Variants in SYN3 observed in about 807,000 individuals in gnomAD.
SYN3 encodes synapsin-3.
Under a neutral mutation model 65.8 loss-of-function variants are expected in SYN3, and 35 were observed. The ratio of observed to expected loss-of-function variants is 0.53; its 90% CI spans 0.41 to 0.70. SYN3 has a LOEUF of 0.70. Ranked by LOEUF, SYN3 falls within the 30% of genes least tolerant of loss-of-function variation. SYN3 has a pLI of 0.00. For missense variants in SYN3, 680 were observed against 749.0 expected, an observed-to-expected ratio of 0.91 and a Z score of 1.08; for synonymous variants, 270 against 292.9, an observed-to-expected ratio of 0.92 and a Z score of 0.80.
At chr22:32,648,706 T>C (rs1041963146) in intron 6 of SYN3, among the ~76,000 whole-genome samples, 3 of 152,212 alleles carry the variant, frequency 2.0e-5, no homozygotes, top group African/African-American at 4.8e-5. Flanking sequence ...AATGGGAACG[T>C]ACTACCTCTT....
chr22:32,748,776 C>T (rs1940448374), intron 6 of SYN3, among the ~76,000 whole-genome samples: 3 of 152,136 alleles, frequency 2.0e-5, no homozygotes, highest in East Asian at 1.9e-4. Flanking sequence ...GGGCCAACTA[C>T]GATGGAACAT....
intron 6 of SYN3, among the ~76,000 whole-genome samples, chr22:32,846,734 A>G (rs1416179745): frequency 6.6e-6 from 1 of 152,230 alleles, no homozygotes; most frequent in Non-Finnish European, 1.5e-5. Flanking sequence ...GTAATAAGCA[A>G]ATCACTTGTT....
chr22:32,524,347 G>T (rs1293004204), intron 12 of SYN3, among the ~76,000 whole-genome samples: 2 of 152,228 alleles, frequency 1.3e-5, no homozygotes, highest in African/African-American at 4.8e-5. Context: ...TGACTCTCTT[G>T]TTGGGGCTAG....
intron 6 of SYN3, among the ~76,000 whole-genome samples, chr22:32,804,071 G>A (rs374456697): frequency 2.6e-5 from 4 of 152,114 alleles, no homozygotes; most frequent in African/African-American, 4.8e-5. Flanking sequence ...TAGCTCCCTC[G>A]CTCCTCTTCA....
At chr22:32,528,056 TC>T (rs2058010228) in intron 11 of SYN3, 51 bp from the exon 12 acceptor site, 1 of 1,386,966 alleles carries the variant, frequency 7.2e-7, no homozygotes, top group African/African-American at 1.5e-5. Context: ...GCCCTTTACT[TC>T]CTGGGTGAGA....
intron 2 of SYN3, among the ~76,000 whole-genome samples, chr22:32,997,364 GTCAT>G (rs2052911449): frequency 6.6e-6 from 1 of 152,260 alleles, no homozygotes; most frequent in East Asian, 1.9e-4. Context: ...TGCTTGTTCA[GTCAT>G]TTGACCAACA....
At chr22:32,834,686 G>A (rs776859133) in intron 6 of SYN3, among the ~76,000 whole-genome samples, 12 of 152,290 alleles carry the variant, frequency 7.9e-5, no homozygotes, top group Non-Finnish European at 1.5e-4. Flanking sequence ...TATCATTACA[G>A]CCCTCCTTCA....
At chr22:32,591,127 T>C (rs1008020484) in intron 7 of SYN3, among the ~76,000 whole-genome samples, 7 of 152,204 alleles carry the variant, frequency 4.6e-5, no homozygotes, top group African/African-American at 1.7e-4. Context: ...ACGAGGCAAC[T>C]TATCTAAGGT....
At chr22:32,948,691 C>T (rs541959817) in intron 3 of SYN3, among the ~76,000 whole-genome samples, 3 of 151,918 alleles carry the variant, frequency 2.0e-5, no homozygotes, top group South Asian at 2.1e-4. Flanking sequence ...GAGCCGAGAT[C>T]GCGTCACTGC....
chr22:32,867,614 T>C (rs2040436), intron 5 of SYN3, among the ~76,000 whole-genome samples: 52,495 of 152,054 alleles, frequency 0.35, 10,306 homozygotes, highest in African/African-American at 0.54. Flanking sequence ...GATGGAGTCT[T>C]GCTCTGTCAC....
At chr22:32,539,235 C>T (rs1488387955) in intron 8 of SYN3, among the ~76,000 whole-genome samples, 6 of 151,984 alleles carry the variant, frequency 3.9e-5, no homozygotes, top group African/African-American at 1.2e-4. Flanking sequence ...GGCACTGCAC[C>T]GTAGTTGGCA....
intron 7 of SYN3, among the ~76,000 whole-genome samples, chr22:32,559,906 T>C (rs1341940652): frequency 2.0e-5 from 3 of 151,236 alleles, no homozygotes; most frequent in Non-Finnish European, 4.4e-5. Context: ...ATCTCAGGAG[T>C]TGGGTGAGTG....
intron 6 of SYN3, among the ~76,000 whole-genome samples, chr22:32,856,571 G>A (rs910518843): frequency 1.3e-5 from 2 of 152,192 alleles, no homozygotes; most frequent in African/African-American, 4.8e-5. Flanking sequence ...GAGAGTCCAT[G>A]TGGTATTTTG....
At chr22:32,607,914 G>A (rs951205945) in intron 6 of SYN3, among the ~76,000 whole-genome samples, 7 of 152,172 alleles carry the variant, frequency 4.6e-5, no homozygotes, top group South Asian at 2.1e-4. Flanking sequence ...ACGGGGAAGC[G>A]AAGACCACCC....
At chr22:32,943,930 G>A (rs1175624458) in intron 3 of SYN3, among the ~76,000 whole-genome samples, 1 of 152,140 alleles carries the variant, frequency 6.6e-6, no homozygotes, top group African/African-American at 2.4e-5. Flanking sequence ...CAACACAGGA[G>A]CACCCAGATT....
chr22:32,819,327 C>G (rs948856292), intron 6 of SYN3, among the ~76,000 whole-genome samples: 1 of 152,332 alleles, frequency 6.6e-6, no homozygotes, highest in South Asian at 2.1e-4. Flanking sequence ...AAAGAGGACA[C>G]GATGCCTTGC....
chr22:32,945,523 C>T (rs558551849), intron 3 of SYN3, among the ~76,000 whole-genome samples: 2 of 152,308 alleles, frequency 1.3e-5, no homozygotes, highest in African/African-American at 4.8e-5. Context: ...TTCCTTACAC[C>T]TCATACAAAA....
intron 6 of SYN3, among the ~76,000 whole-genome samples, chr22:32,722,010 C>T (rs1194754533): frequency 1.3e-5 from 2 of 152,112 alleles, no homozygotes; most frequent in Admixed American, 6.5e-5. Context: ...GTTTAACTTG[C>T]TTAAGAAGCA....
intron 1 of SYN3, among the ~76,000 whole-genome samples, chr22:33,028,063 AC>A: frequency 6.6e-6 from 1 of 152,272 alleles, no homozygotes; most frequent in Middle Eastern, 3.4e-3. Flanking sequence ...TGGGATTCAA[AC>A]CCAGGCAGTC....
Sources: allele counts gnomAD v4.1 joint callset (sites outside exome capture counted in the v4.1 genomes callset), GRCh38; gene constraint gnomAD v4.1.1; transcripts MANE v1.5; gene names NCBI Gene and HGNC (gene_info 2026-07-23, HGNC 2026-07-21).